Variants in YPEL1 observed in about 807,000 individuals in gnomAD.
YPEL1 encodes the protein protein yippee-like 1.
In YPEL1, 7 loss-of-function variants were observed where a neutral mutation model predicts 17.3. The ratio of observed to expected loss-of-function variants is 0.40; its 90% CI spans 0.23 to 0.76. The LOEUF (loss-of-function observed/expected upper bound fraction) is 0.76. Among genes scored for constraint, YPEL1 ranks in the 30% least tolerant of loss-of-function variants. YPEL1 has a pLI of 0.35. For synonymous variants in YPEL1, 59 were observed against 59.6 expected (o/e 0.99, Z 0.05); for missense variants, 91 against 155.5 (o/e 0.59, Z 2.21).
intron 1 of YPEL1, among the ~76,000 whole-genome samples, chr22:21,720,701 G>A (rs1424808724): frequency 1.3e-5 from 2 of 151,406 alleles, no homozygotes; most frequent in Non-Finnish European, 2.9e-5. Context: ...TGTTGGCCAG[G>A]CTGGTCTCAA....
At chr22:21,725,707 C>T (rs1249515820) in intron 1 of YPEL1, among the ~76,000 whole-genome samples, 6 of 151,896 alleles carry the variant, frequency 4.0e-5, no homozygotes. Context: ...AACATCACTA[C>T]TGCGGCCGGG....
intron 1 of YPEL1, among the ~76,000 whole-genome samples, chr22:21,733,648 G>A (rs1036483848): frequency 1.3e-5 from 2 of 151,830 alleles, no homozygotes; most frequent in African/African-American, 4.8e-5. Context: ...CTTGAACCTA[G>A]GAGGTTGAGG....
intron 1 of YPEL1, chr22:21,723,123 G>A (rs1021517886): frequency 9.9e-5 from 15 of 152,110 alleles, no homozygotes; most frequent in Admixed American, 6.6e-4. Flanking sequence ...GGGTTCAAGC[G>A]ATCTCCCCAC....
intron 1 of YPEL1, among the ~76,000 whole-genome samples, chr22:21,729,514 T>A (rs2068367855): frequency 1.3e-5 from 2 of 150,848 alleles, no homozygotes; most frequent in African/African-American, 4.9e-5. Context: ...GATGGGAGGA[T>A]CACTTGAGGC....
intron 2 of YPEL1, chr22:21,704,272 C>G: frequency 1.4e-6 from 1 of 695,588 alleles, no homozygotes; most frequent in African/African-American, 1.8e-5. Context: ...CTCTCCTCGC[C>G]GCCTCTTCTG....
Position 21,697,819 on chromosome 22 carries a change from C to CTTAA in YPEL1, c.*3306_*3309dup, listed in dbSNP as rs759790167. The CTTAA allele has an allele frequency of 6.6e-6, 1 of 152,316 alleles. No individual in the cohort carries two copies. The highest frequency in any genetic ancestry group is 2.4e-5 in the African/African-American group (1 of 41,450). The allele number at this position is 152,316 out of a possible 1,614,324, so 9.4% of individuals were successfully genotyped here. A position where few individuals can be genotyped will look rare whatever the true frequency, so the allele number is the denominator to read the frequency against. On this transcript the variant is annotated 3_prime_UTR_variant, in exon 5 of 5. Transcript: ENST00000339468. ...TTTCTGTAGTTTGTTTGTTTTAGAG[C>CTTAA]TTAATTTGTAGTTTTTTAGCTATTA...
intron 4 of YPEL1, among the ~76,000 whole-genome samples, chr22:21,702,898 CTTCAA>C (rs1400717290): frequency 2.0e-5 from 3 of 152,280 alleles, no homozygotes; most frequent in East Asian, 3.9e-4. Context: ...CGATTGCAAC[CTTCAA>C]TTCAAGGTCC....
intron 4 of YPEL1, among the ~76,000 whole-genome samples, chr22:21,702,346 C>T (rs778006234): frequency 2.0e-5 from 3 of 152,188 alleles, no homozygotes; most frequent in African/African-American, 4.8e-5. Flanking sequence ...GCTAGGGATG[C>T]GTGCTAGTCT....
In YPEL1 at chr22:21,710,681, T is replaced by C; in HGVS notation, c.64A>G (p.Ser22Gly). The C allele has an allele frequency of 6.2e-7, 1 of 1,614,282 alleles. No homozygotes were observed. Among genetic ancestry groups the C allele is most frequent in the Non-Finnish European group, 8.5e-7 (1 of 1,180,054 alleles). Residue 22 changes from serine (S) to glycine (G), a missense_variant, in exon 2 of 5, where the codon AGC becomes GGC. By Grantham distance (56) the Ser-to-Gly change is moderately conservative. Coordinates refer to ENST00000339468, the MANE Select transcript of YPEL1 (RefSeq NM_013313.5). ...AGGTGTGCTCTGCAGTGGATACAGC[T>C]GTACGTTCGGTGACAGTTCGGCAGA... The part of the protein sequence containing the change: ...AYLPNCHRTY[S>G]CIHCRAHLAN...
chr22:21,707,395 C>G (rs1036914299), intron 2 of YPEL1, among the ~76,000 whole-genome samples: 2 of 152,094 alleles, frequency 1.3e-5, no homozygotes, highest in Admixed American at 1.3e-4. Flanking sequence ...CTAGCCTGGG[C>G]GACAAAGCAA....
intron 4 of YPEL1, among the ~76,000 whole-genome samples, chr22:21,702,211 A>G (rs1014776004): frequency 2.6e-5 from 4 of 152,258 alleles, no homozygotes; most frequent in Non-Finnish European, 4.4e-5. Context: ...CACAGGAAGG[A>G]CTGTGCCAGC....
At chr22:21,726,622 T>A (rs2055380454) in intron 1 of YPEL1, among the ~76,000 whole-genome samples, 1 of 152,168 alleles carries the variant, frequency 6.6e-6, no homozygotes, top group Admixed American at 6.5e-5. Flanking sequence ...GGTCCTGTGT[T>A]ACCCCAGGGT....
intron 2 of YPEL1, among the ~76,000 whole-genome samples, chr22:21,705,198 C>T (rs974116263): frequency 6.6e-6 from 1 of 152,148 alleles, no homozygotes; most frequent in African/African-American, 2.4e-5. Context: ...AGGCTGGTTT[C>T]GAACTCCTGG....
At chr22:21,722,050 C>T (rs2068288694) in intron 1 of YPEL1, among the ~76,000 whole-genome samples, 1 of 152,298 alleles carries the variant, frequency 6.6e-6, no homozygotes, top group East Asian at 1.9e-4. Flanking sequence ...CTACAGAATT[C>T]CCTTGTCTTT....
chr22:21,721,367 C>T (rs1046881440), intron 1 of YPEL1, among the ~76,000 whole-genome samples: 19 of 151,996 alleles, frequency 1.3e-4, no homozygotes, highest in Admixed American at 2.6e-4. Flanking sequence ...ATCTGCCCGC[C>T]GCAGCCTCCC....
rs895837283 is a variant in YPEL1, at chr22:21,701,640, T to C, written c.271-422A>G. On this transcript the variant is annotated intron_variant, in intron 4 of 4. Transcript: ENST00000339468. ...TAGGACAGTGTGAATGCAGATCTGT[T>C]TACTGAACATTTACTACATGTGGGA... Among the ~76,000 whole-genome samples, 3 of 152,188 alleles carry C rather than the reference T, an allele frequency of 2.0e-5. No homozygotes were observed. In the South Asian group the frequency reaches 6.2e-4, roughly 32 times the overall value.
chr22:21,703,673 A>AG lies in YPEL1; in HGVS notation c.161+165dup, dbSNP rs548775576. ...GGAAAGATCAGTGATGGGACAGGCT[A>AG]GGGGGCAAGATCCTTAGCGCGTTTC... On this transcript the variant is annotated intron_variant, in intron 3 of 4. Coordinates refer to ENST00000339468, the MANE Select transcript of YPEL1 (RefSeq NM_013313.5). The surrounding 1 kb of genome is among the most constrained non-coding windows in gnomAD (Gnocchi z 6.1). Among the ~76,000 whole-genome samples the AG allele has an allele frequency of 1.6e-3, 226 of 140,138 alleles. 1 individual carries two copies. Among genetic ancestry groups the AG allele is most frequent in the South Asian group, 8.4e-3 (36 of 4,304 alleles). 91.9% of individuals were successfully genotyped at this position (140,138 alleles called of 152,430 possible). A position where few individuals can be genotyped will look rare whatever the true frequency, so the allele number is the denominator to read the frequency against.
chr22:21,719,632 C>T (rs964511592), intron 1 of YPEL1, among the ~76,000 whole-genome samples: 1 of 152,160 alleles, frequency 6.6e-6, no homozygotes, highest in African/African-American at 2.4e-5. Context: ...TGCCTGTAAT[C>T]CCAACACTTT....
chr22:21,721,593 TTTATA>T (rs2068284716), intron 1 of YPEL1, among the ~76,000 whole-genome samples: 1 of 152,158 alleles, frequency 6.6e-6, no homozygotes, highest in Non-Finnish European at 1.5e-5. Context: ...CTGGCTAATT[TTTATA>T]TTTTTAGTAG....
Sources: gnomAD v4.1 joint callset for allele counts (sites outside exome capture counted in the v4.1 genomes callset) on GRCh38, gnomAD v4.1.1 for gene constraint, Gnocchi (gnomAD v3.1) non-coding constraint, MANE v1.5 for transcripts, NCBI Gene and HGNC (gene_info 2026-07-23, HGNC 2026-07-21) for gene names.